DDX59: variants seen among roughly 807,000 people sequenced by gnomAD.
The protein encoded by DDX59 is DEAD-box helicase 59, also known as probable ATP-dependent RNA helicase DDX59.
In DDX59, 30 loss-of-function variants were observed where a neutral mutation model predicts 51.9. That is an observed-to-expected ratio of 0.58 (90% CI 0.43 to 0.78). The LOEUF is 0.78. Ranked by LOEUF, DDX59 falls within the 30% of genes least tolerant of loss-of-function variation. The probability of loss-of-function intolerance (pLI) is 0.00; values close to 1 mark genes in which losing one functional copy is unlikely to be tolerated. For synonymous variants in DDX59, 255 were observed against 253.3 expected (o/e 1.01, Z -0.06); for missense variants, 672 against 730.8 (o/e 0.92, Z 0.93).
rs1662543474 is a variant in DDX59 at position 200,663,958 on chromosome 1, G to C, written c.933C>G (p.Pro311=). The C allele has an allele frequency of 1.2e-6, 2 of 1,614,080 alleles. No homozygotes were observed. The highest frequency in any genetic ancestry group is 1.7e-5 in the Admixed American group (1 of 60,004). ...GCAGACGATAAAGCTGTGGGGGTAA[G>C]GGTAAGCCCCCTACAAGAAGCACAG... ...MKTVLLVGGL[P]LPPQLYRLQQ... The change falls in exon 3 of 8, where the codon CCC becomes CCG. Residue 311 remains proline (P), a synonymous_variant. Coordinates refer to ENST00000331314, the MANE Select transcript of DDX59 (RefSeq NM_001031725.6).
chr1:200,669,655 T>G (rs1663037591), intron 1 of DDX59, 112 bp downstream of exon 1: 1 of 152,358 alleles, frequency 6.6e-6, no homozygotes, highest in Non-Finnish European at 1.5e-5. Context: ...ACTGTAAGGA[T>G]GGGAGGAAGG....
intron 7 of DDX59, 122 bp downstream of exon 7, chr1:200,648,317 G>C (rs118040002): frequency 1.5e-6 from 2 of 1,343,202 alleles, no homozygotes; most frequent in African/African-American, 2.9e-5. Flanking sequence ...AAAGTGCTGG[G>C]ATTACAGGTG....
At chr1:200,654,008 C>T (rs917411665) in intron 4 of DDX59, among the ~76,000 whole-genome samples, 5 of 152,100 alleles carry the variant, frequency 3.3e-5, no homozygotes, top group African/African-American at 1.2e-4. Flanking sequence ...CATGAAAAGC[C>T]CTAATGATAT....
intron 1 of DDX59, among the ~76,000 whole-genome samples, chr1:200,669,276 ACTTCC>A (rs1170275818): frequency 6.6e-6 from 1 of 152,046 alleles, no homozygotes; most frequent in Non-Finnish European, 1.5e-5. Flanking sequence ...CCAGATTCCA[ACTTCC>A]AGAAAAATTC....
At position 200,666,418 on chromosome 1, in the gene DDX59, C is replaced by A; in HGVS notation, c.323G>T (p.Cys108Phe). 1 of 1,614,206 alleles carries A rather than the reference C, an allele frequency of 6.2e-7. No individual in the cohort carries two copies. Among genetic ancestry groups the A allele is most frequent in the Non-Finnish European group, 8.5e-7 (1 of 1,180,038 alleles). ...CTCTCCATAACGACCACAGACAACACAGATGGGTTCCCCTGGTTCTGCCCA... is the reference window on the plus strand; with the variant it reads ...CTCTCCATAACGACCACAGACAACAAAGATGGGTTCCCCTGGTTCTGCCCA... ...QRWAEPGEPI[C>F]VVCGRYGEYI... is the part of the protein sequence containing the mutation. The change falls in exon 2 of 8, where the codon TGT becomes TTT. Residue 108 changes from cysteine to phenylalanine, a missense_variant. Transcript: ENST00000331314.
chr1:200,648,036 G>T (rs553910589), intron 7 of DDX59, among the ~76,000 whole-genome samples: 21 of 142,680 alleles, frequency 1.5e-4, no homozygotes, highest in African/African-American at 4.9e-4. Flanking sequence ...TTTTTGGGGG[G>T]GGGGAGGGGG....
At chr1:200,642,031 A>T (rs1661064230), downstream of DDX59, among the ~76,000 whole-genome samples, 1 of 152,124 alleles carries the variant, frequency 6.6e-6, no homozygotes, top group Non-Finnish European at 1.5e-5. Flanking sequence ...TAAATAAAAT[A>T]AAAATGTGCT....
chr1:200,650,372 G>T, intron 5 of DDX59, 53 bp downstream of exon 5: 1 of 1,544,496 alleles, frequency 6.5e-7, no homozygotes, highest in Non-Finnish European at 8.8e-7. Flanking sequence ...CTTAAGAGCT[G>T]TGAAAAATGC....
intron 3 of DDX59, among the ~76,000 whole-genome samples, chr1:200,663,645 C>T (rs548025144): frequency 4.6e-5 from 7 of 152,160 alleles, no homozygotes; most frequent in Admixed American, 3.9e-4. Context: ...TTATGCCAAC[C>T]CACCTTCAGA....
intron 3 of DDX59, among the ~76,000 whole-genome samples, chr1:200,663,511 G>A (rs1444218768): frequency 6.6e-6 from 1 of 152,172 alleles, no homozygotes; most frequent in Admixed American, 6.5e-5. Context: ...CATGGCTAAG[G>A]AAGGAGGAAA....
chr1:200,660,981 T>G (rs892046056), intron 3 of DDX59, among the ~76,000 whole-genome samples: 1 of 152,216 alleles, frequency 6.6e-6, no homozygotes, highest in African/African-American at 2.4e-5. Flanking sequence ...GATAGTCCAA[T>G]AGCAATCAAC....
chr1:200,656,201 A>G (rs1157513573), intron 4 of DDX59, among the ~76,000 whole-genome samples: 1 of 152,032 alleles, frequency 6.6e-6, no homozygotes, highest in Non-Finnish European at 1.5e-5. Context: ...ACAAATTTAG[A>G]CCTTTACCTG....
rs372351272 is a variant in DDX59, at chr1:200,663,999, G to A, written c.892C>T (p.Leu298=). ...ERQAKELMSG[L]PRMKTVLLVG... ...AGAAGCACAGTTTTCATGCGTGGCA[G>A]GCCACTCATCAATTCTTTAGCTTGT... The change falls in exon 3 of 8, where the codon CTG becomes TTG. Residue 298 remains leucine (L), a synonymous_variant. Transcript: ENST00000331314. 4 of 1,614,210 alleles carry A rather than the reference G, an allele frequency of 2.5e-6. No individual in the cohort carries two copies. In the East Asian group the frequency reaches 8.9e-5, roughly 36 times the overall value.
intron 3 of DDX59, 138 bp downstream of exon 3, chr1:200,663,781 A>AAC: frequency 1.1e-6 from 1 of 950,508 alleles, no homozygotes; most frequent in Non-Finnish European, 1.4e-6. Context: ...AAAAAAAAAA[A>AAC]AACCTAAGGC....
chr1:200,658,917 G>T, intron 4 of DDX59, 110 bp downstream of exon 4: 2 of 936,228 alleles, frequency 2.1e-6, no homozygotes, highest in Non-Finnish European at 3.2e-6. Context: ...AGTCCCTGAG[G>T]TTTTTTTTGA....
intron 4 of DDX59, among the ~76,000 whole-genome samples, chr1:200,652,855 T>C (rs966765118): frequency 6.6e-6 from 1 of 151,540 alleles, no homozygotes. Flanking sequence ...TAATTTTTGG[T>C]ATTTTTTTTT....
At chr1:200,669,416 T>A (rs1424080712) in intron 1 of DDX59, 2 of 152,172 alleles carry the variant, frequency 1.3e-5, no homozygotes, top group Non-Finnish European at 2.9e-5. Flanking sequence ...AGTCTTCCAA[T>A]GGCGAAAGGG....
chr1:200,648,607 T>C (rs768204667), intron 6 of DDX59, 40 bp from the exon 7 acceptor site: 4 of 1,571,742 alleles, frequency 2.5e-6, no homozygotes, highest in Non-Finnish European at 2.6e-6. Flanking sequence ...TCAGAATTTA[T>C]TTTGTGTGGT....
chr1:200,654,206 G>A (rs1449784705), intron 4 of DDX59, among the ~76,000 whole-genome samples: 2 of 152,270 alleles, frequency 1.3e-5, no homozygotes, highest in South Asian at 2.1e-4. Flanking sequence ...GAGGTCAGGA[G>A]ATCGAGACTA....
Sources: allele counts gnomAD v4.1 joint callset (sites outside exome capture counted in the v4.1 genomes callset), GRCh38; gene constraint gnomAD v4.1.1; transcripts MANE v1.5; gene names NCBI Gene and HGNC (gene_info 2026-07-23, HGNC 2026-07-21).